KCNIP4: variants seen among roughly 807,000 people sequenced by gnomAD.
KCNIP4 encodes potassium voltage-gated channel interacting protein 4, also known as Kv channel-interacting protein 4.
A neutral mutation model predicts 34.0 loss-of-function variants in KCNIP4; 12 were observed. That is an observed-to-expected ratio of 0.35 (90% confidence interval 0.23 to 0.57). The LOEUF (loss-of-function observed/expected upper bound fraction) is 0.57, where lower values mean the gene tolerates loss of function less well. Ranked by LOEUF, KCNIP4 falls within the 20% of genes least tolerant of loss-of-function variation. KCNIP4 has a pLI of 0.83. For synonymous variants in KCNIP4, 124 were observed against 102.2 expected (o/e 1.21, Z -1.29); for missense variants, 238 against 311.7 (o/e 0.76, Z 1.78).
intron 1 of KCNIP4, among the ~76,000 whole-genome samples, chr4:21,038,730 A>G (rs562527503): frequency 6.6e-6 from 1 of 152,352 alleles, no homozygotes; most frequent in African/African-American, 2.4e-5. Flanking sequence ...GCACACATTA[A>G]ATTCCAAGTA....
At chr4:21,130,235 A>G (rs1364649001) in intron 1 of KCNIP4, among the ~76,000 whole-genome samples, 1 of 152,212 alleles carries the variant, frequency 6.6e-6, no homozygotes, top group Non-Finnish European at 1.5e-5. Flanking sequence ...ATACCTAGGC[A>G]TCACTTGCAG....
chr4:21,034,452 G>C (rs965570847), intron 1 of KCNIP4, among the ~76,000 whole-genome samples: 1 of 152,192 alleles, frequency 6.6e-6, no homozygotes, highest in Admixed American at 6.5e-5. Context: ...CAAATGCAGA[G>C]TGAATATGAT....
chr4:21,192,946 C>T (rs371411579), intron 1 of KCNIP4, among the ~76,000 whole-genome samples: 2 of 145,040 alleles, frequency 1.4e-5, no homozygotes, highest in East Asian at 4.1e-4. Context: ...ACTACTACTA[C>T]TACTACTAAT....
At chr4:20,931,602 T>C (rs891700688) in intron 1 of KCNIP4, among the ~76,000 whole-genome samples, 1 of 152,098 alleles carries the variant, frequency 6.6e-6, no homozygotes, top group African/African-American at 2.4e-5. Context: ...ATAGAAAATG[T>C]ATGGTAAAAA....
At chr4:21,608,584 G>A (rs1001037238) in intron 1 of KCNIP4, among the ~76,000 whole-genome samples, 6 of 152,054 alleles carry the variant, frequency 3.9e-5, no homozygotes, top group Middle Eastern at 6.3e-3. Context: ...ATTACATTGG[G>A]GCCTCCAGGA....
rs75190995 is a variant in KCNIP4 at position 21,398,411 on chromosome 4, G to A, written c.62-515702C>T. On this transcript the variant is annotated intron_variant, in intron 1 of 8. Coordinates refer to ENST00000382152, the MANE Select transcript of KCNIP4 (RefSeq NM_025221.6). ...TCCCAATGGCACAAAGATGACCTAT[G>A]TCATTTTAATGGTATGGTATGGTTG... 3.8e-3 allele frequency among the ~76,000 whole-genome samples: 574 copies of A among 152,262 alleles called. 4 individuals carry two copies. Among genetic ancestry groups the A allele is most frequent in the African/African-American group, 0.013 (528 of 41,554 alleles).
intron 1 of KCNIP4, among the ~76,000 whole-genome samples, chr4:21,020,571 T>C (rs1739945773): frequency 6.6e-6 from 1 of 152,184 alleles, no homozygotes; most frequent in African/African-American, 2.4e-5. Context: ...ACACAGAGTT[T>C]TTCTCTAGAT....
chr4:21,639,285 T>C (rs1746439732), intron 1 of KCNIP4, among the ~76,000 whole-genome samples: 2 of 152,160 alleles, frequency 1.3e-5, no homozygotes, highest in Admixed American at 6.6e-5. Flanking sequence ...TATTTAACTA[T>C]TCAGTTGAAG....
chr4:21,942,038 C>G (rs1730231956), intron 1 of KCNIP4, among the ~76,000 whole-genome samples: 1 of 152,162 alleles, frequency 6.6e-6, no homozygotes, highest in African/African-American at 2.4e-5. Flanking sequence ...AGCAAAGGAG[C>G]TGAACTTCTG....
At chr4:21,486,629 C>T (rs1426582303) in intron 1 of KCNIP4, among the ~76,000 whole-genome samples, 6 of 152,206 alleles carry the variant, frequency 3.9e-5, no homozygotes, top group Non-Finnish European at 7.4e-5. Flanking sequence ...TCCACTGTGT[C>T]ATTTCCTATC....
chr4:21,305,629 TC>T (rs1712376554), intron 1 of KCNIP4, among the ~76,000 whole-genome samples: 1 of 152,168 alleles, frequency 6.6e-6, no homozygotes, highest in Non-Finnish European at 1.5e-5. Context: ...TTGAAGAGCA[TC>T]CTTTTCTCTC....
At chr4:21,099,207 T>A (rs927569073) in intron 1 of KCNIP4, among the ~76,000 whole-genome samples, 5 of 152,074 alleles carry the variant, frequency 3.3e-5, no homozygotes, top group Non-Finnish European at 7.4e-5. Flanking sequence ...AGCAAAGACA[T>A]GAAATCAACC....
chr4:21,439,337 C>T (rs979946906), intron 1 of KCNIP4, among the ~76,000 whole-genome samples: 6 of 152,128 alleles, frequency 3.9e-5, no homozygotes, highest in Admixed American at 6.5e-5. Flanking sequence ...CATTAGTAAA[C>T]GCCCTCCCAA....
chr4:21,594,760 T>C (rs931743114), intron 1 of KCNIP4, among the ~76,000 whole-genome samples: 1 of 135,140 alleles, frequency 7.4e-6, no homozygotes, highest in African/African-American at 3.1e-5. Flanking sequence ...ATTTAAAACT[T>C]CTGCACATAA....
chr4:21,596,455 A>G (rs555139249), intron 1 of KCNIP4, among the ~76,000 whole-genome samples: 23 of 152,236 alleles, frequency 1.5e-4, no homozygotes, highest in African/African-American at 5.5e-4. Flanking sequence ...GTTGATCTCC[A>G]TAACCTGGAA....
At chr4:21,511,037 C>T (rs929905922) in intron 1 of KCNIP4, among the ~76,000 whole-genome samples, 2 of 151,808 alleles carry the variant, frequency 1.3e-5, no homozygotes, top group African/African-American at 4.8e-5. Context: ...GAGAAAGACC[C>T]TATCTCAAAA....
At chr4:21,742,522 G>T (rs1465217627) in intron 1 of KCNIP4, among the ~76,000 whole-genome samples, 1 of 152,144 alleles carries the variant, frequency 6.6e-6, no homozygotes, top group Non-Finnish European at 1.5e-5. Context: ...AGTCTTTTAT[G>T]AGTTTTCTAA....
chr4:21,319,539 T>G (rs867026392), intron 1 of KCNIP4, among the ~76,000 whole-genome samples: 1 of 152,256 alleles, frequency 6.6e-6, no homozygotes, highest in Admixed American at 6.5e-5. Flanking sequence ...TCCACTGTTA[T>G]GTCTAGGCCC....
chr4:21,227,337 T>C (rs1279284704), intron 1 of KCNIP4, among the ~76,000 whole-genome samples: 1 of 152,184 alleles, frequency 6.6e-6, no homozygotes, highest in Non-Finnish European at 1.5e-5. Flanking sequence ...TCTGCATTAA[T>C]AGATGTTTAA....
Sources: allele counts gnomAD v4.1 joint callset (sites outside exome capture counted in the v4.1 genomes callset), GRCh38; gene constraint gnomAD v4.1.1; transcripts MANE v1.5; gene names NCBI Gene and HGNC (gene_info 2026-07-23, HGNC 2026-07-21).